PLEKHG3: variants seen among roughly 807,000 people sequenced by gnomAD.
PLEKHG3 encodes pleckstrin homology and RhoGEF domain containing G3.
In PLEKHG3, 62 loss-of-function variants were observed where a neutral mutation model predicts 94.9. The observed-to-expected ratio is 0.65, with a 90% CI of 0.53 to 0.81. The LOEUF (loss-of-function observed/expected upper bound fraction) is 0.81. Ranked by LOEUF, PLEKHG3 falls within the 30% of genes least tolerant of loss-of-function variation. The pLI is 0.00. For missense variants in PLEKHG3, 1,461 were observed against 1,619.3 expected (o/e 0.90, Z 1.68); for synonymous variants, 614 against 654.0 (o/e 0.94, Z 0.93).
chr14:64,706,926 G>A (rs537812180), intron 1 of PLEKHG3, among the ~76,000 whole-genome samples: 55 of 152,350 alleles, frequency 3.6e-4, no homozygotes, highest in African/African-American at 1.1e-3. Context: ...AGGGTTAAAA[G>A]TGAAGCCCTC....
At position 64,731,846 on chromosome 14, in the gene PLEKHG3, G is replaced by GT. The variant is rs2081473572; in HGVS notation, c.1125+40_1125+41insT. 4.2e-6 allele frequency: 6 copies of GT among 1,428,988 alleles called. No homozygotes were observed. Among genetic ancestry groups the GT allele is most frequent in the Non-Finnish European group, 5.9e-6 (6 of 1,013,280 alleles). 88.5% of individuals were successfully genotyped at this position (1,428,988 alleles called of 1,614,324 possible). A position where few individuals can be genotyped will look rare whatever the true frequency, so the allele number is the denominator to read the frequency against. ...GGGCTCAGGGGCTAGGGAACAAGAT[G>GT]CCCAGGGGACACCTGCGTGGGACTC... On this transcript the variant is annotated intron_variant, in intron 9 of 16. Coordinates refer to ENST00000247226, the MANE Select transcript of PLEKHG3 (RefSeq NM_001308147.2). The surrounding 1 kb of genome is among the most constrained non-coding windows in gnomAD (Gnocchi z 6.1).
chr14:64,746,026 G>C lies in PLEKHG3; in HGVS notation c.*2323G>C, dbSNP rs2081830028. 6.6e-6 allele frequency: 1 copy of C among 152,286 alleles called. No individual in the cohort carries two copies. Among genetic ancestry groups the C allele is most frequent in the Non-Finnish European group, 1.5e-5 (1 of 68,108 alleles). 9.4% of individuals were successfully genotyped at this position (152,286 alleles called of 1,614,324 possible). On this transcript the variant is annotated 3_prime_UTR_variant, in exon 17 of 17. Coordinates refer to ENST00000247226, the MANE Select transcript of PLEKHG3 (RefSeq NM_001308147.2). This position sits in a 1 kb window ranked among gnomAD's most constrained non-coding sequence, Gnocchi z 4.9. The stretch of plus-strand genomic sequence containing the variant: ...GCTGAGATCTGTCCTGAGCTCTGTG[G>C]GGAGGGGCCTGGACTGATCACTGCT...
chr14:64,749,964 G>A lies in PLEKHG3; in HGVS notation c.*6261G>A. On this transcript the variant is annotated 3_prime_UTR_variant, in exon 17 of 17. Coordinates refer to ENST00000247226, the MANE Select transcript of PLEKHG3 (RefSeq NM_001308147.2). The surrounding 1 kb of genome is among the most constrained non-coding windows in gnomAD (Gnocchi z 4.7). ...CAAGCCATCAACCCGAGCTTTCAAA[G>A]GCCAGGAAGGCCTCACCTCAGCTTA... 1 of 1,614,194 alleles carries A rather than the reference G, an allele frequency of 6.2e-7. No individual in the cohort carries two copies. Among genetic ancestry groups the A allele is most frequent in the Non-Finnish European group, 8.5e-7 (1 of 1,180,048 alleles).
In PLEKHG3 at chr14:64,743,169, A is replaced by T. The variant is rs116949566; in HGVS notation, c.3126A>T (p.Thr1042=). 7 of 1,610,610 alleles carry T rather than the reference A, an allele frequency of 4.3e-6. No individual in the cohort carries two copies. The East Asian group carries it at 1.6e-4, about 36-fold the overall frequency. The change falls in exon 17 of 17, where the codon ACA becomes ACT. Residue 1042 remains threonine (T), a synonymous_variant. Coordinates refer to ENST00000247226, the MANE Select transcript of PLEKHG3 (RefSeq NM_001308147.2). This position sits in a 1 kb window ranked among gnomAD's most constrained non-coding sequence, Gnocchi z 7.2. ...RPSARSPLSP[T]ETFSWPDVRE... ...CCGCCCGGAGCCCCCTCAGCCCCAC[A>T]GAGACCTTCAGCTGGCCCGACGTCC...
In PLEKHG3 at chr14:64,720,839, G is replaced by A. The variant is rs536294116; in HGVS notation, c.-39-6754G>A. On this transcript the variant is annotated intron_variant, in intron 1 of 16. Coordinates refer to ENST00000247226, the MANE Select transcript of PLEKHG3 (RefSeq NM_001308147.2). The surrounding 1 kb of genome is among the most constrained non-coding windows in gnomAD (Gnocchi z 4.1). ...TTCCTTGCTCTTCCTAGCTTCCCAG[G>A]CTGCCTGTATCCTTGGCTTGTGGCC... Among the ~76,000 whole-genome samples, 5 of 152,198 alleles carry A rather than the reference G, an allele frequency of 3.3e-5. No individual in the cohort carries two copies. The East Asian group carries it at 9.7e-4, about 29-fold the overall frequency.
Position 64,743,804 on chromosome 14 carries a change from C to T in PLEKHG3, c.*101C>T. The T allele has an allele frequency of 7.6e-7, 1 of 1,321,686 alleles. No individual in the cohort carries two copies. Among genetic ancestry groups the T allele is most frequent in the Non-Finnish European group, 1.0e-6 (1 of 993,298 alleles). The allele number at this position is 1,321,686 out of a possible 1,614,324, so 81.9% of individuals were successfully genotyped here. On this transcript the variant is annotated 3_prime_UTR_variant, in exon 17 of 17. Coordinates refer to ENST00000247226, the MANE Select transcript of PLEKHG3 (RefSeq NM_001308147.2). This position sits in a 1 kb window ranked among gnomAD's most constrained non-coding sequence, Gnocchi z 7.2. Reference sequence around the variant, plus strand: ...GCTCATGGAGCCCCTGCCCAGGGCCCTCAGGTGGGCGGAAAGTCCATCCCC... The same window carrying T: ...GCTCATGGAGCCCCTGCCCAGGGCCTTCAGGTGGGCGGAAAGTCCATCCCC...
At position 64,743,492 on chromosome 14, in the gene PLEKHG3, G is replaced by T. The variant is rs2081764287; in HGVS notation, c.3449G>T (p.Gly1150Val). ...CGGCGGGTGATTGTCATGGAGAAGG[G>T]ACCCCTTCCCAGCCCCACTGCAGGG... Reference protein sequence around the residue: ...DNRRVIVMEKGPLPSPTAGLE... With the variant: ...DNRRVIVMEKVPLPSPTAGLE... The change falls in exon 17 of 17, where the codon GGA becomes GTA. Residue 1150 changes from glycine to valine, a missense_variant. Physicochemically the swap from Gly to Val is moderately radical, Grantham distance 109 (BLOSUM62 -3). Around this residue, in one of 3 missense-constraint regions of PLEKHG3, gnomAD observed 1,201 missense variants for 1,295.5 expected, o/e 0.93. Coordinates refer to ENST00000247226, the MANE Select transcript of PLEKHG3 (RefSeq NM_001308147.2). This position sits in a 1 kb window ranked among gnomAD's most constrained non-coding sequence, Gnocchi z 7.2. 2 of 1,613,192 alleles carry T rather than the reference G, an allele frequency of 1.2e-6. No individual in the cohort carries two copies. Among genetic ancestry groups the T allele is most frequent in the Admixed American group, 1.7e-5 (1 of 60,032 alleles).
rs2081165865 is a variant in PLEKHG3 at position 64,716,545 on chromosome 14, A to G, written c.-39-11048A>G. ...CACACACACACACACACACACACAC[A>G]CACACAAAGCAGAGTTAATCTCCCA... On this transcript the variant is annotated intron_variant, in intron 1 of 16. Transcript: ENST00000247226. This position sits in a 1 kb window ranked among gnomAD's most constrained non-coding sequence, Gnocchi z 5.0. 6.7e-6 allele frequency among the ~76,000 whole-genome samples: 1 copy of G among 148,552 alleles called. No homozygotes were observed.
In PLEKHG3 at chr14:64,716,776, T is replaced by C. The variant is rs2081170360; in HGVS notation, c.-39-10817T>C. 6.6e-6 allele frequency among the ~76,000 whole-genome samples: 1 copy of C among 150,958 alleles called. No individual in the cohort carries two copies. Among genetic ancestry groups the C allele is most frequent in the South Asian group, 2.1e-4 (1 of 4,774 alleles). The stretch of plus-strand genomic sequence containing the variant: ...GAGGTCGGGGCAGATCGACTGCAAA[T>C]CAAGGCCTCACTTTTCAAGGAGTAG... On this transcript the variant is annotated intron_variant, in intron 1 of 16. Coordinates refer to ENST00000247226, the MANE Select transcript of PLEKHG3 (RefSeq NM_001308147.2). This position sits in a 1 kb window ranked among gnomAD's most constrained non-coding sequence, Gnocchi z 5.0.
In PLEKHG3 at chr14:64,722,121, C is replaced by T. The variant is rs949874639; in HGVS notation, c.-39-5472C>T. ...CTGGGCCACCCTGGCTTTGAGAGCC[C>T]TTGGAATGTTTAGCAGATGATGTAG... is the stretch of plus-strand genomic sequence containing the variant. On this transcript the variant is annotated intron_variant, in intron 1 of 16. Coordinates refer to ENST00000247226, the MANE Select transcript of PLEKHG3 (RefSeq NM_001308147.2). This position sits in a 1 kb window ranked among gnomAD's most constrained non-coding sequence, Gnocchi z 4.3. Among the ~76,000 whole-genome samples, 4 of 152,172 alleles carry T rather than the reference C, an allele frequency of 2.6e-5. No individual in the cohort carries two copies. Among genetic ancestry groups the T allele is most frequent in the African/African-American group, 9.7e-5 (4 of 41,440 alleles).
rs778990107 is a variant in PLEKHG3, at chr14:64,724,742, A to G, written c.-39-2851A>G. 1.4e-4 allele frequency among the ~76,000 whole-genome samples: 22 copies of G among 152,162 alleles called. No individual in the cohort carries two copies. In the East Asian group the frequency reaches 1.5e-3, roughly 11 times the overall value. ...GCCATGGCAGCCAGGGCTGTGACCAATCCTTTGCTTGTGGCCCTGTCTGGT... is the reference window on the plus strand; with the variant it reads ...GCCATGGCAGCCAGGGCTGTGACCAGTCCTTTGCTTGTGGCCCTGTCTGGT... On this transcript the variant is annotated intron_variant, in intron 1 of 16. Transcript: ENST00000247226.
intron 14 of PLEKHG3, among the ~76,000 whole-genome samples, chr14:64,737,596 C>T (rs1047011831): frequency 1.3e-5 from 2 of 152,248 alleles, no homozygotes; most frequent in Non-Finnish European, 2.9e-5. Flanking sequence ...CAGCACCCTG[C>T]TGGGGGCCTG....
intron 1 of PLEKHG3, among the ~76,000 whole-genome samples, chr14:64,711,154 C>G (rs1426218117): frequency 6.6e-6 from 1 of 152,154 alleles, no homozygotes. Context: ...TGCTCAGGAT[C>G]GCTCAGCTAA....
Position 64,738,202 on chromosome 14 carries a change from T to G in PLEKHG3, c.1405-540T>G, listed in dbSNP as rs1254401634. ...TGCTGGCACTATCGGGCCAACGCTT[T>G]ACTTTTCTCCCGGGGCGCTATGGTG... On this transcript the variant is annotated intron_variant, in intron 14 of 16. Coordinates refer to ENST00000247226, the MANE Select transcript of PLEKHG3 (RefSeq NM_001308147.2). The surrounding 1 kb of genome is among the most constrained non-coding windows in gnomAD (Gnocchi z 4.8). 3 of 1,289,242 alleles carry G rather than the reference T, an allele frequency of 2.3e-6. No individual in the cohort carries two copies. The highest frequency in any genetic ancestry group is 3.0e-6 in the Non-Finnish European group (3 of 989,102). The allele number at this position is 1,289,242 out of a possible 1,614,324, so 79.9% of individuals were successfully genotyped here.
rs117664536 is a variant in PLEKHG3 at position 64,739,570 on chromosome 14, A to T, written c.1518+715A>T. ...GAAGCCTGGATGATACTGGACAGGA[A>T]TGTAGCATGATGTCTTAGCTTGAGC... is the stretch of plus-strand genomic sequence containing the variant. On this transcript the variant is annotated intron_variant, in intron 15 of 16. Transcript: ENST00000247226. The surrounding 1 kb of genome is among the most constrained non-coding windows in gnomAD (Gnocchi z 4.1). Among the ~76,000 whole-genome samples, 2 of 152,368 alleles carry T rather than the reference A, an allele frequency of 1.3e-5. No individual in the cohort carries two copies. The highest frequency in any genetic ancestry group is 3.9e-4 in the East Asian group (2 of 5,194).
At position 64,750,173 on chromosome 14, in the gene PLEKHG3, G is replaced by T. The variant is rs985290743; in HGVS notation, c.*6470G>T. The stretch of plus-strand genomic sequence containing the variant: ...CCAGGACCTGCAAAGATGCAGACAG[G>T]CAGGTCACCCACATCCTGATATGGT... On this transcript the variant is annotated 3_prime_UTR_variant, in exon 17 of 17. Transcript: ENST00000247226. 1.2e-6 allele frequency: 2 copies of T among 1,608,122 alleles called. No homozygotes were observed. The highest frequency in any genetic ancestry group is 1.7e-6 in the Non-Finnish European group (2 of 1,175,178).
Position 64,749,558 on chromosome 14 carries a change from G to C in PLEKHG3, c.*5855G>C. On this transcript the variant is annotated 3_prime_UTR_variant, in exon 17 of 17. Transcript: ENST00000247226. The surrounding 1 kb of genome is among the most constrained non-coding windows in gnomAD (Gnocchi z 4.7). ...AGGCAACAATGGTGGGGGCTCTTGGGACTGCCCCTTCTGAGGGGGCCTCCA... is the reference window on the plus strand; with the variant it reads ...AGGCAACAATGGTGGGGGCTCTTGGCACTGCCCCTTCTGAGGGGGCCTCCA... The C allele has an allele frequency of 6.2e-7, 1 of 1,603,854 alleles. No individual in the cohort carries two copies. The highest frequency in any genetic ancestry group is 8.5e-7 in the Non-Finnish European group (1 of 1,178,666).
In PLEKHG3 at chr14:64,738,988, ACT is replaced by A. The variant is rs2081632190; in HGVS notation, c.1518+137_1518+138del. ...GAACAGAGATTCCCCACCTCCCAGG[ACT>A]CTCAGCCCTGCATGAAGCCTGTTTG... On this transcript the variant is annotated intron_variant, in intron 15 of 16. Coordinates refer to ENST00000247226, the MANE Select transcript of PLEKHG3 (RefSeq NM_001308147.2). This position sits in a 1 kb window ranked among gnomAD's most constrained non-coding sequence, Gnocchi z 4.8. The A allele has an allele frequency of 1.5e-6, 1 of 657,496 alleles. No homozygotes were observed. The highest frequency in any genetic ancestry group is 1.8e-5 in the South Asian group (1 of 56,798). The allele number at this position is 657,496 out of a possible 1,614,324, so 40.7% of individuals were successfully genotyped here.
At position 64,746,623 on chromosome 14, in the gene PLEKHG3, TGAGCCTTCCACGGGCC is replaced by T. The variant is rs1251300968; in HGVS notation, c.*2921_*2936del. On this transcript the variant is annotated 3_prime_UTR_variant, in exon 17 of 17. Coordinates refer to ENST00000247226, the MANE Select transcript of PLEKHG3 (RefSeq NM_001308147.2). This position sits in a 1 kb window ranked among gnomAD's most constrained non-coding sequence, Gnocchi z 4.9. ...AGGAGGAGGGATGCGGAGGAGAGGCTGAGCCTTCCACGGGCCTCCTGTTAGGGGTGTTGGTGGAGGC... is the reference window on the plus strand; with the variant it reads ...AGGAGGAGGGATGCGGAGGAGAGGCTTCCTGTTAGGGGTGTTGGTGGAGGC... 1 of 152,406 alleles carries T rather than the reference TGAGCCTTCCACGGGCC, an allele frequency of 6.6e-6. No individual in the cohort carries two copies. Among genetic ancestry groups the T allele is most frequent in the African/African-American group, 2.4e-5 (1 of 41,424 alleles). 9.4% of individuals were successfully genotyped at this position (152,406 alleles called of 1,614,324 possible).
Sources: gnomAD v4.1 joint callset for allele counts (sites outside exome capture counted in the v4.1 genomes callset) on GRCh38, gnomAD v4.1.1 for gene constraint, gnomAD v4.1.1 regional missense constraint, Gnocchi (gnomAD v3.1) non-coding constraint, MANE v1.5 for transcripts, NCBI Gene and HGNC (gene_info 2026-07-23, HGNC 2026-07-21) for gene names.